The following LRRC40 variants were observed in gnomAD, a reference collection of about 807,000 sequenced individuals.
LRRC40 encodes leucine-rich repeat-containing protein 40.
In LRRC40, 76 loss-of-function variants were observed where a neutral mutation model predicts 72.8. That is an observed-to-expected ratio of 1.04 (90% CI 0.87 to 1.26). The LOEUF is 1.26. Among genes scored for constraint, LRRC40 ranks in the 50% most tolerant of loss-of-function variants. The pLI is 0.00. For synonymous variants in LRRC40, 243 were observed against 254.2 expected (o/e 0.96, Z 0.42); for missense variants, 684 against 698.9 (o/e 0.98, Z 0.24).
At position 70,199,215 on chromosome 1, in the gene LRRC40, T is replaced by TCACACACACACA. The variant is rs3223615; in HGVS notation, c.151+6163_151+6174dup. On this transcript the variant is annotated intron_variant, in intron 1 of 14. Transcript: ENST00000370952. ...AATAGCAGTCAAATTATACATAGTC[T>TCACACACACACA]CACACACACACACACACACACACAC... Among the ~76,000 whole-genome samples, 807 of 140,488 alleles carry TCACACACACACA rather than the reference T, an allele frequency of 5.7e-3. 9 individuals are homozygous for TCACACACACACA. The highest frequency in any genetic ancestry group is 0.018 in the African/African-American group (652 of 36,724). 92.2% of individuals were successfully genotyped at this position (140,488 alleles called of 152,430 possible).
chr1:70,148,646 T>C lies in LRRC40; in HGVS notation c.1544A>G (p.Tyr515Cys), dbSNP rs1667379699. The C allele has an allele frequency of 1.9e-6, 3 of 1,610,420 alleles. No homozygotes were observed. Among genetic ancestry groups the C allele is most frequent in the African/African-American group, 1.3e-5 (1 of 74,982 alleles). The change falls in exon 14 of 15, where the codon TAT (tyrosine) becomes TGT (cysteine). Residue 515 changes from tyrosine to cysteine, a missense_variant. Tyr to Cys is a radical substitution (Grantham distance 194). Coordinates refer to ENST00000370952, the MANE Select transcript of LRRC40 (RefSeq NM_017768.5). Reference protein sequence around the residue: ...NRFKMLPEVLYRIFTLETILI... With the variant: ...NRFKMLPEVLCRIFTLETILI... ...AATTGTTTCAAGTGTGAAGATACGA[T>C]ATAGAACTTCAGGTAGCATTTTAAA... is the stretch of plus-strand genomic sequence containing the variant.
chr1:70,180,886 A>T (rs1369859877), intron 5 of LRRC40, among the ~76,000 whole-genome samples, 200 bp downstream of exon 5: 2 of 152,192 alleles, frequency 1.3e-5, no homozygotes, highest in Non-Finnish European at 2.9e-5. Flanking sequence ...CATATGCCTA[A>T]GTATCTTTAT....
At chr1:70,190,826 C>T (rs1174387946) in intron 1 of LRRC40, among the ~76,000 whole-genome samples, 6 of 151,840 alleles carry the variant, frequency 4.0e-5, no homozygotes, top group Non-Finnish European at 8.8e-5. Flanking sequence ...ACTGATTCTC[C>T]ATTAGGTATT....
rs77845138 is a variant in LRRC40, at chr1:70,179,751, T to C, written c.662-758A>G. On this transcript the variant is annotated intron_variant, in intron 5 of 14. Coordinates refer to ENST00000370952, the MANE Select transcript of LRRC40 (RefSeq NM_017768.5). ...GTCCATGCTGCTTATGTCTTCGTTC[T>C]AGATATATTTTACATTTAGCTGCTC... Among the ~76,000 whole-genome samples, 836 of 152,338 alleles carry C rather than the reference T, an allele frequency of 5.5e-3. 5 individuals carry two copies. The highest frequency in any genetic ancestry group is 9.2e-3 in the Non-Finnish European group (629 of 68,026).
chr1:70,188,987 C>T, intron 2 of LRRC40, 105 bp downstream of exon 2: 1 of 887,250 alleles, frequency 1.1e-6, no homozygotes, highest in East Asian at 2.5e-5. Flanking sequence ...TACTATCTGT[C>T]CTTGCATTAC....
intron 12 of LRRC40, chr1:70,151,856 A>G (rs1423039457): frequency 6.6e-6 from 1 of 152,156 alleles, no homozygotes; most frequent in Non-Finnish European, 1.5e-5. Flanking sequence ...TTTAGGAGCC[A>G]ATATAACTAC....
intron 10 of LRRC40, among the ~76,000 whole-genome samples, chr1:70,158,925 A>T (rs1667698077): frequency 6.6e-6 from 1 of 152,128 alleles, no homozygotes; most frequent in Non-Finnish European, 1.5e-5. Context: ...CTATTAACAA[A>T]ACCATCTCTC....
chr1:70,151,534 T>C (rs1240759726), intron 12 of LRRC40, among the ~76,000 whole-genome samples: 1 of 152,044 alleles, frequency 6.6e-6, no homozygotes, highest in Non-Finnish European at 1.5e-5. Context: ...ATGTCTATAA[T>C]ACCACATAAA....
chr1:70,163,244 A>G (rs1384574172), intron 9 of LRRC40, among the ~76,000 whole-genome samples: 1 of 151,902 alleles, frequency 6.6e-6, no homozygotes, highest in African/African-American at 2.4e-5. Flanking sequence ...GAACTTTATC[A>G]TGCCCAGCTA....
At chr1:70,198,893 G>C (rs1445926411) in intron 1 of LRRC40, among the ~76,000 whole-genome samples, 2 of 152,166 alleles carry the variant, frequency 1.3e-5, no homozygotes, top group Admixed American at 1.3e-4. Context: ...GTTCATGCCT[G>C]TAATCCCAGC....
intron 1 of LRRC40, among the ~76,000 whole-genome samples, chr1:70,204,449 G>T (rs974426417): frequency 4.6e-5 from 7 of 152,024 alleles, no homozygotes; most frequent in Non-Finnish European, 2.9e-5. Context: ...CAGGTTTTGG[G>T]GAAACCAAGT....
At chr1:70,166,704 AAATT>A (rs1667887781) in intron 9 of LRRC40, among the ~76,000 whole-genome samples, 1 of 152,022 alleles carries the variant, frequency 6.6e-6, no homozygotes, top group African/African-American at 2.4e-5. Flanking sequence ...CTTTTTAAGT[AAATT>A]ACTCTCTCAG....
intron 1 of LRRC40, 32 bp downstream of exon 1, chr1:70,205,358 A>G: frequency 6.6e-7 from 1 of 1,523,256 alleles, no homozygotes; most frequent in Non-Finnish European, 8.9e-7. Flanking sequence ...TTCTGACAGG[A>G]GACACAATAG....
chr1:70,150,872 T>G (rs1444469388), intron 13 of LRRC40, among the ~76,000 whole-genome samples: 1 of 152,226 alleles, frequency 6.6e-6, no homozygotes, highest in Non-Finnish European at 1.5e-5. Context: ...TTAGAGCAAT[T>G]GTAATTATTT....
At chr1:70,203,023 T>C (rs1336059911) in intron 1 of LRRC40, among the ~76,000 whole-genome samples, 4 of 152,128 alleles carry the variant, frequency 2.6e-5, no homozygotes, top group African/African-American at 9.7e-5. Flanking sequence ...TCCAAGTAGC[T>C]AGGACTAAAG....
In LRRC40 at chr1:70,159,430, G is replaced by A. The variant is rs757245532; in HGVS notation, c.1120C>T (p.Pro374Ser). The stretch of plus-strand genomic sequence containing the variant: ...TCAGTAGCAGACTCACTTTGGCTAG[G>A]TCCATCATCTGGCAAAAGAAAACTT... ...YLRSKIKDDGPSQSESATETA... is the reference protein window; with the variant it reads ...YLRSKIKDDGSSQSESATETA... The change falls in exon 10 of 15, where the codon CCT becomes TCT. Residue 374 changes from proline (P) to serine (S), a missense_variant. By Grantham distance (74) the Pro-to-Ser change is moderately conservative. Transcript: ENST00000370952. 2 of 1,557,152 alleles carry A rather than the reference G, an allele frequency of 1.3e-6. No individual in the cohort carries two copies. The highest frequency in any genetic ancestry group is 2.4e-5 in the South Asian group (2 of 84,522).
At position 70,159,340 on chromosome 1, in the gene LRRC40, A is replaced by G; in HGVS notation, c.1210T>C (p.Leu404=). Residue 404 remains leucine, a synonymous_variant, in exon 10 of 15, where the codon TTA becomes CTA. Coordinates refer to ENST00000370952, the MANE Select transcript of LRRC40 (RefSeq NM_017768.5). ...NIHAIITLKI[L]DYSDKQATLI... ...TAATAAATTACATACCTATAGTCTA[A>G]TATTTTTAATGTAATGATGGCATGT... is the stretch of plus-strand genomic sequence containing the variant. The G allele has an allele frequency of 7.0e-7, 1 of 1,422,988 alleles. No homozygotes were observed. The highest frequency in any genetic ancestry group is 9.8e-7 in the Non-Finnish European group (1 of 1,016,884). The allele number at this position is 1,422,988 out of a possible 1,614,324, so 88.1% of individuals were successfully genotyped here.
Position 70,181,164 on chromosome 1 carries a change from A to C in LRRC40, c.583T>G (p.Ser195Ala). 6.3e-7 allele frequency: 1 copy of C among 1,596,076 alleles called. No homozygotes were observed. Among genetic ancestry groups the C allele is most frequent in the Non-Finnish European group, 8.5e-7 (1 of 1,172,456 alleles). ...TTGAGTCGCACCAGACTGGACAGAG[A>C]AGAAAAACTAGCAGGAACAGTTGTA... is the stretch of plus-strand genomic sequence containing the variant. ...HLTTVPASFS[S>A]LSSLVRLNLS... Residue 195 changes from serine to alanine, a missense_variant, in exon 5 of 15, where the codon TCT becomes GCT. Ser to Ala is a moderately conservative substitution (Grantham distance 99, BLOSUM62 1). Coordinates refer to ENST00000370952, the MANE Select transcript of LRRC40 (RefSeq NM_017768.5).
At chr1:70,163,674 A>C (rs1667814552) in intron 9 of LRRC40, among the ~76,000 whole-genome samples, 1 of 152,222 alleles carries the variant, frequency 6.6e-6, no homozygotes, top group African/African-American at 2.4e-5. Context: ...CACAGGTTTC[A>C]GGGATTAGGG....
Sources: allele counts gnomAD v4.1 joint callset (sites outside exome capture counted in the v4.1 genomes callset), GRCh38; gene constraint gnomAD v4.1.1; transcripts MANE v1.5; gene names NCBI Gene and HGNC (gene_info 2026-07-23, HGNC 2026-07-21).